ANTXR1: variants seen among roughly 807,000 people sequenced by gnomAD.
ANTXR1 encodes anthrax toxin receptor 1.
ANTXR1 carries 19 observed loss-of-function variants against 78.1 expected under a neutral mutation model. That is an observed-to-expected ratio of 0.24 (90% CI 0.17 to 0.36). The LOEUF (loss-of-function observed/expected upper bound fraction) is 0.36, where lower values mean the gene tolerates loss of function less well. Ranked by LOEUF, ANTXR1 falls within the 10% of genes least tolerant of loss-of-function variation. The pLI is 1.00. For synonymous variants in ANTXR1, 273 were observed against 260.5 expected (o/e 1.05, Z -0.46); for missense variants, 518 against 718.6 (o/e 0.72, Z 3.19).
chr2:69,124,000 C>T (rs1346325853), intron 11 of ANTXR1, among the ~76,000 whole-genome samples: 1 of 152,198 alleles, frequency 6.6e-6, no homozygotes, highest in Admixed American at 6.5e-5. Flanking sequence ...CAAATTAGCT[C>T]AGTGTCCATG....
At chr2:69,019,267 T>C (rs552503611) in intron 1 of ANTXR1, among the ~76,000 whole-genome samples, 1 of 152,340 alleles carries the variant, frequency 6.6e-6, no homozygotes, top group East Asian at 1.9e-4. Flanking sequence ...TGGATTTTAA[T>C]TCGTATAAGT....
intron 17 of ANTXR1, among the ~76,000 whole-genome samples, chr2:69,210,211 C>G (rs1421511245): frequency 6.6e-6 from 1 of 152,236 alleles, no homozygotes; most frequent in Non-Finnish European, 1.5e-5. Context: ...CAAAAACACT[C>G]TGCCCAGGGA....
intron 13 of ANTXR1, among the ~76,000 whole-genome samples, chr2:69,166,204 C>T (rs537250476): frequency 3.9e-5 from 6 of 152,352 alleles, no homozygotes; most frequent in African/African-American, 9.6e-5. Flanking sequence ...TGATCAGATT[C>T]TACCTGGTCT....
chr2:69,084,350 T>C (rs1040817091), intron 8 of ANTXR1, among the ~76,000 whole-genome samples: 3 of 152,218 alleles, frequency 2.0e-5, no homozygotes, highest in African/African-American at 4.8e-5. Context: ...CGGATTCTCA[T>C]TGAGTGTGAA....
intron 17 of ANTXR1, among the ~76,000 whole-genome samples, chr2:69,205,987 A>AT (rs1674890052): frequency 6.6e-6 from 1 of 152,238 alleles, no homozygotes; most frequent in East Asian, 1.9e-4. Flanking sequence ...ATTCGTTCCT[A>AT]TAACATTTGT....
At chr2:69,064,893 G>A (rs1670349560) in intron 3 of ANTXR1, among the ~76,000 whole-genome samples, 1 of 152,104 alleles carries the variant, frequency 6.6e-6, no homozygotes, top group South Asian at 2.1e-4. Flanking sequence ...CGTGCCTAGG[G>A]TAAATGTATA....
At chr2:69,070,555 C>T (rs542009081) in intron 3 of ANTXR1, 92 bp from the exon 4 acceptor site, 4 of 1,165,856 alleles carry the variant, frequency 3.4e-6, no homozygotes, top group South Asian at 1.2e-5. Flanking sequence ...ACAGCAGTAT[C>T]CACAGAGGTA....
intron 8 of ANTXR1, among the ~76,000 whole-genome samples, chr2:69,086,655 G>T (rs1323235981): frequency 1.2e-4 from 8 of 68,088 alleles, no homozygotes; most frequent in African/African-American, 4.2e-4. Context: ...GGGCGATGGG[G>T]CGTAAGCACA....
Position 69,151,214 on chromosome 2 carries a change from C to T in ANTXR1, c.952-955C>T, listed in dbSNP as rs190555091. Among the ~76,000 whole-genome samples the T allele has an allele frequency of 3.0e-3, 295 of 97,488 alleles. 6 individuals are homozygous for T. In the Admixed American group the frequency reaches 0.032, roughly 11 times the overall value. The allele number at this position is 97,488 out of a possible 152,430, so 64.0% of individuals were successfully genotyped here. A position where few individuals can be genotyped will look rare whatever the true frequency, so the allele number is the denominator to read the frequency against. On this transcript the variant is annotated intron_variant, in intron 12 of 17. Transcript: ENST00000303714. ...TTTTTTTTTTTTTTTTTTTTTGAGA[C>T]GGAGTCTCGCTCTGTCGCCCAGGCT...
rs137886831 is a variant in ANTXR1, at chr2:69,049,515, G to A, written c.296+4702G>A. 2.6e-5 allele frequency among the ~76,000 whole-genome samples: 4 copies of A among 152,122 alleles called. No individual in the cohort carries two copies. In the East Asian group the frequency reaches 7.8e-4, roughly 29 times the overall value. On this transcript the variant is annotated intron_variant, in intron 3 of 17. Coordinates refer to ENST00000303714, the MANE Select transcript of ANTXR1 (RefSeq NM_032208.3). ...AGTAGAGACGGGGTTTCACCATGTT[G>A]GTCAGGCTGGTCTCTAACTCCTGAC...
rs143464139 is a variant in ANTXR1, at chr2:69,037,060, A to G, written c.153-2984A>G. 2.4e-4 allele frequency among the ~76,000 whole-genome samples: 36 copies of G among 152,278 alleles called. No individual in the cohort carries two copies. In the East Asian group the frequency reaches 7.0e-3, roughly 29 times the overall value. Reference sequence around the variant, plus strand: ...CATTCTGTTCAGAGATCTCCTGATGATCATGTGGGCCCAGTCACCAAGCAG... The same window carrying G: ...CATTCTGTTCAGAGATCTCCTGATGGTCATGTGGGCCCAGTCACCAAGCAG... On this transcript the variant is annotated intron_variant, in intron 1 of 17. Transcript: ENST00000303714.
intron 10 of ANTXR1, among the ~76,000 whole-genome samples, chr2:69,116,432 T>C (rs941005586): frequency 1.3e-5 from 2 of 152,262 alleles, no homozygotes; most frequent in Non-Finnish European, 2.9e-5. Context: ...TCAGGCTGGT[T>C]ACTTTTGGAG....
intron 17 of ANTXR1, among the ~76,000 whole-genome samples, chr2:69,205,811 C>T (rs1179976377): frequency 2.6e-5 from 4 of 152,076 alleles, no homozygotes; most frequent in Admixed American, 2.6e-4. Flanking sequence ...GGGACATGTC[C>T]AGATAAAATG....
chr2:69,147,604 A>C (rs1391303571), intron 12 of ANTXR1, among the ~76,000 whole-genome samples: 1 of 152,236 alleles, frequency 6.6e-6, no homozygotes, highest in Non-Finnish European at 1.5e-5. Flanking sequence ...TTAGTCTTTA[A>C]AGTATAGATA....
At chr2:69,134,132 TTGG>T (rs1353580747) in intron 12 of ANTXR1, among the ~76,000 whole-genome samples, 2 of 152,154 alleles carry the variant, frequency 1.3e-5, no homozygotes, top group Non-Finnish European at 2.9e-5. Context: ...ACCTCTCAAC[TTGG>T]TGAAGTTAAA....
At chr2:69,145,216 C>A (rs776879071) in intron 12 of ANTXR1, 5 of 1,150,050 alleles carry the variant, frequency 4.3e-6, no homozygotes, top group Non-Finnish European at 6.3e-6. Context: ...GGCTGATTCG[C>A]TTAAACTTTA....
chr2:69,025,613 TAAG>T (rs1291074812), intron 1 of ANTXR1, among the ~76,000 whole-genome samples: 1 of 151,238 alleles, frequency 6.6e-6, no homozygotes, highest in African/African-American at 2.4e-5. Context: ...ATATAGTAAA[TAAG>T]AATTCTATAG....
In ANTXR1 at chr2:69,041,014, G is replaced by A. The variant is rs77765610; in HGVS notation, c.224+899G>A. 9.2e-3 allele frequency among the ~76,000 whole-genome samples: 1,395 copies of A among 152,170 alleles called. 20 individuals are homozygous for A. The highest frequency in any genetic ancestry group is 0.031 in the African/African-American group (1,300 of 41,524). ...CTCAAATTTGGTTATTGACCTCAACGCATGCCTACCTGCCTAATTGGAGGG... is the reference window on the plus strand; with the variant it reads ...CTCAAATTTGGTTATTGACCTCAACACATGCCTACCTGCCTAATTGGAGGG... On this transcript the variant is annotated intron_variant, in intron 2 of 17. Coordinates refer to ENST00000303714, the MANE Select transcript of ANTXR1 (RefSeq NM_032208.3).
chr2:69,087,865 A>G (rs1324940634), intron 8 of ANTXR1, among the ~76,000 whole-genome samples: 2 of 152,114 alleles, frequency 1.3e-5, no homozygotes, highest in African/African-American at 4.8e-5. Context: ...GGCTGCTAAG[A>G]ACCACGAGAA....
Sources: allele counts gnomAD v4.1 joint callset (sites outside exome capture counted in the v4.1 genomes callset), GRCh38; gene constraint gnomAD v4.1.1; transcripts MANE v1.5; gene names NCBI Gene and HGNC (gene_info 2026-07-23, HGNC 2026-07-21).